The following ILRUN variants were observed in gnomAD, a reference collection of about 807,000 sequenced individuals.
ILRUN encodes protein ILRUN.
In ILRUN, 3 loss-of-function variants were observed where a neutral mutation model predicts 33.8. The ratio of observed to expected loss-of-function variants is 0.09; its 90% CI spans 0.04 to 0.23. The LOEUF is 0.23. Ranked by LOEUF, ILRUN falls within the 10% of genes least tolerant of loss-of-function variation. The pLI is 1.00. For synonymous variants in ILRUN, 124 were observed against 138.9 expected (o/e 0.89, Z 0.75); for missense variants, 210 against 375.1 (o/e 0.56, Z 3.64).
chr6:34,661,283 G>T (rs894092524), intron 1 of ILRUN, among the ~76,000 whole-genome samples: 29 of 151,900 alleles, frequency 1.9e-4, no homozygotes, highest in Non-Finnish European at 4.0e-4. Flanking sequence ...AAAGATCAAG[G>T]GTCATAAAAT....
chr6:34,675,588 C>T (rs1763212781), intron 1 of ILRUN, among the ~76,000 whole-genome samples: 1 of 152,118 alleles, frequency 6.6e-6, no homozygotes, highest in African/African-American at 2.4e-5. Context: ...CGCTGCTGCA[C>T]TTTAAAGCAG....
intron 1 of ILRUN, among the ~76,000 whole-genome samples, chr6:34,669,296 T>C (rs1763068239): frequency 6.6e-6 from 1 of 150,890 alleles, no homozygotes. Context: ...GCTATTTTTT[T>C]TTTTTTTTTT....
chr6:34,682,384 A>G (rs984031258), intron 1 of ILRUN, among the ~76,000 whole-genome samples: 11 of 150,578 alleles, frequency 7.3e-5, no homozygotes, highest in African/African-American at 2.7e-4. Context: ...CAGCCTCCTG[A>G]GTAGCTGGGA....
intron 3 of ILRUN, among the ~76,000 whole-genome samples, chr6:34,627,985 G>C (rs1004757367): frequency 6.6e-6 from 1 of 151,914 alleles, no homozygotes; most frequent in Non-Finnish European, 1.5e-5. Flanking sequence ...TTACAGGCAT[G>C]AGCCACCGCC....
At chr6:34,637,843 T>TTGCTGCTGCTGCTGCTGC (rs1203721482) in intron 3 of ILRUN, among the ~76,000 whole-genome samples, 1 of 141,246 alleles carries the variant, frequency 7.1e-6, no homozygotes, top group African/African-American at 2.6e-5. Context: ...GCTGTTGTTG[T>TTGCTGCTGCTGCTGCTGC]TGCTGCTGCT....
chr6:34,673,497 T>C (rs1763158293), intron 1 of ILRUN, among the ~76,000 whole-genome samples: 1 of 152,156 alleles, frequency 6.6e-6, no homozygotes, highest in Non-Finnish European at 1.5e-5. Context: ...CAGCAAAATA[T>C]TGTGCTGAGA....
intron 1 of ILRUN, among the ~76,000 whole-genome samples, chr6:34,693,932 C>A (rs1218187689): frequency 2.0e-5 from 3 of 152,042 alleles, no homozygotes; most frequent in South Asian, 4.1e-4. Flanking sequence ...GATCCTCCCA[C>A]TTCAGCCTCC....
rs767799882 is a variant in ILRUN at position 34,678,836 on chromosome 6, CAAAAAAAAAAAA to C, written c.158+17598_158+17609del. ...CGCCACTGTACTCCAGACTCCGTCT[CAAAAAAAAAAAA>C]AAAAAAAAAAAGAAAGAAAGAAAGA... is the stretch of plus-strand genomic sequence containing the variant. On this transcript the variant is annotated intron_variant, in intron 1 of 4. Coordinates refer to ENST00000374023, the MANE Select transcript of ILRUN (RefSeq NM_024294.4). 1.0e-4 allele frequency among the ~76,000 whole-genome samples: 5 copies of C among 47,882 alleles called. No individual in the cohort carries two copies. The East Asian group carries it at 2.0e-3, about 19-fold the overall frequency. The allele number at this position is 47,882 out of a possible 152,430, so 31.4% of individuals were successfully genotyped here.
intron 3 of ILRUN, among the ~76,000 whole-genome samples, chr6:34,637,270 T>C (rs1019283929): frequency 2.0e-5 from 3 of 152,222 alleles, no homozygotes; most frequent in African/African-American, 7.2e-5. Context: ...AAGGATTATA[T>C]TAAGATACAA....
In ILRUN at chr6:34,677,747, G is replaced by A. The variant is rs187095255; in HGVS notation, c.158+18699C>T. 2.0e-3 allele frequency among the ~76,000 whole-genome samples: 304 copies of A among 152,002 alleles called. 5 individuals are homozygous for A. Among genetic ancestry groups the A allele is most frequent in the East Asian group, 5.8e-4 (3 of 5,162 alleles). On this transcript the variant is annotated intron_variant, in intron 1 of 4. Coordinates refer to ENST00000374023, the MANE Select transcript of ILRUN (RefSeq NM_024294.4). ...GAAGATTGCTTGCACCCAGGAGTTC[G>A]AGGCCAGTCTGGACAATATGACAAA... is the stretch of plus-strand genomic sequence containing the variant.
intron 3 of ILRUN, among the ~76,000 whole-genome samples, chr6:34,614,854 C>A (rs536470512): frequency 6.6e-6 from 1 of 152,050 alleles, no homozygotes; most frequent in Non-Finnish European, 1.5e-5. Context: ...TTCTAAACCC[C>A]GTAACATCAG....
chr6:34,644,152 A>C (rs1216783242), intron 3 of ILRUN, among the ~76,000 whole-genome samples: 1 of 152,226 alleles, frequency 6.6e-6, no homozygotes, highest in Non-Finnish European at 1.5e-5. Flanking sequence ...TAACACTAAA[A>C]ACACACACAC....
chr6:34,680,895 AG>A (rs1010171454), intron 1 of ILRUN, among the ~76,000 whole-genome samples: 1 of 152,034 alleles, frequency 6.6e-6, no homozygotes, highest in African/African-American at 2.4e-5. Flanking sequence ...AGACCCAAGC[AG>A]GCAACTTGAA....
chr6:34,616,553 G>A, intron 3 of ILRUN: 1 of 1,388,298 alleles, frequency 7.2e-7, no homozygotes, highest in Non-Finnish European at 1.0e-6. Context: ...GGGTGTCGAA[G>A]AGAAGAAGGT....
rs60761039 is a variant in ILRUN at position 34,665,292 on chromosome 6, C to CAAAA, written c.159-10517_159-10514dup. The stretch of plus-strand genomic sequence containing the variant: ...GCAACACAGGGAGACCCCTTTTCTA[C>CAAAA]AAAAAAAAAAAAAAAAAAAAAATTA... On this transcript the variant is annotated intron_variant, in intron 1 of 4. Transcript: ENST00000374023. Among the ~76,000 whole-genome samples the CAAAA allele has an allele frequency of 6.6e-4, 50 of 76,314 alleles. 2 individuals are homozygous for CAAAA. Among genetic ancestry groups the CAAAA allele is most frequent in the African/African-American group, 1.8e-3 (41 of 22,294 alleles). The allele number at this position is 76,314 out of a possible 152,430, so 50.1% of individuals were successfully genotyped here. A position where few individuals can be genotyped will look rare whatever the true frequency, so the allele number is the denominator to read the frequency against.
intron 2 of ILRUN, among the ~76,000 whole-genome samples, chr6:34,650,405 ATTTTTATT>A (rs1762638300): frequency 1.5e-5 from 2 of 135,116 alleles, no homozygotes; most frequent in South Asian, 4.8e-4. Context: ...TTATTTATTT[ATTTTTATT>A]TATTTATTTA....
chr6:34,642,825 C>CAAAA (rs57866309), intron 3 of ILRUN, among the ~76,000 whole-genome samples: 674 of 43,000 alleles, frequency 0.016, 28 homozygotes, highest in African/African-American at 0.03. Flanking sequence ...CCGTCTCTAC[C>CAAAA]AAAAAAAAAA....
chr6:34,598,064 C>T (rs980096834), intron 4 of ILRUN, among the ~76,000 whole-genome samples: 23 of 152,248 alleles, frequency 1.5e-4, no homozygotes, highest in East Asian at 3.9e-4. Flanking sequence ...GTCACATCTA[C>T]GTTATCAGAT....
chr6:34,643,676 TG>T (rs1762515858), intron 3 of ILRUN, among the ~76,000 whole-genome samples: 1 of 152,248 alleles, frequency 6.6e-6, no homozygotes, highest in African/African-American at 2.4e-5. Flanking sequence ...AAGCTTATGT[TG>T]AGAAATAAAA....
Sources: allele counts gnomAD v4.1 joint callset (sites outside exome capture counted in the v4.1 genomes callset), GRCh38; gene constraint gnomAD v4.1.1; transcripts MANE v1.5; gene names NCBI Gene and HGNC (gene_info 2026-07-23, HGNC 2026-07-21).